Variants in ANKS1B observed in about 807,000 individuals in gnomAD.
ANKS1B encodes the protein ankyrin repeat and sterile alpha motif domain containing 1B.
Under a neutral mutation model 148.3 loss-of-function variants are expected in ANKS1B, and 36 were observed. The ratio of observed to expected loss-of-function variants is 0.24; its 90% CI spans 0.19 to 0.32. The LOEUF (loss-of-function observed/expected upper bound fraction) is 0.32. ANKS1B is among the 10% of genes least tolerant of loss of function. ANKS1B has a pLI of 1.00. For synonymous variants in ANKS1B, 542 were observed against 560.8 expected (o/e 0.97, Z 0.47); for missense variants, 1,157 against 1,542.6 (o/e 0.75, Z 4.19).
chr12:99,301,371 A>G (rs1231994559), intron 12 of ANKS1B, among the ~76,000 whole-genome samples: 1 of 152,194 alleles, frequency 6.6e-6, no homozygotes, highest in Admixed American at 6.5e-5. Flanking sequence ...AGAGGAAAAA[A>G]GAAAAAAACT....
At chr12:99,134,210 T>G (rs1050119411) in intron 15 of ANKS1B, among the ~76,000 whole-genome samples, 1 of 152,180 alleles carries the variant, frequency 6.6e-6, no homozygotes, top group South Asian at 2.1e-4. Flanking sequence ...ACTGAGCCCA[T>G]TGGTTTATCT....
At chr12:99,689,962 T>C (rs765833023) in intron 8 of ANKS1B, among the ~76,000 whole-genome samples, 10 of 152,072 alleles carry the variant, frequency 6.6e-5, no homozygotes, top group Non-Finnish European at 1.2e-4. Context: ...CAAGAATCGA[T>C]AATTTATAAA....
intron 11 of ANKS1B, among the ~76,000 whole-genome samples, chr12:99,443,065 C>T (rs1036279560): frequency 2.0e-5 from 3 of 151,684 alleles, no homozygotes; most frequent in African/African-American, 7.3e-5. Flanking sequence ...GCCTGCAAAC[C>T]GCCTACTGGA....
chr12:99,883,209 CAG>C (rs535621027), intron 1 of ANKS1B, among the ~76,000 whole-genome samples: 11 of 152,100 alleles, frequency 7.2e-5, no homozygotes, highest in Non-Finnish European at 1.3e-4. Flanking sequence ...AATGTGCAAA[CAG>C]AGTCCAAAAC....
At chr12:99,133,838 C>T (rs538005583) in intron 15 of ANKS1B, among the ~76,000 whole-genome samples, 2 of 152,210 alleles carry the variant, frequency 1.3e-5, no homozygotes, top group Non-Finnish European at 1.5e-5. Context: ...TGATAACTAG[C>T]GCCTGAACTT....
chr12:99,919,787 A>AAAAAC (rs1045617371), intron 1 of ANKS1B, among the ~76,000 whole-genome samples: 12 of 151,924 alleles, frequency 7.9e-5, no homozygotes, highest in African/African-American at 2.7e-4. Context: ...GTTAAAAAAA[A>AAAAAC]AAAAAAACCT....
intron 12 of ANKS1B, among the ~76,000 whole-genome samples, chr12:99,299,907 A>C (rs1175693812): frequency 6.6e-6 from 1 of 152,166 alleles, no homozygotes; most frequent in African/African-American, 2.4e-5. Context: ...TTTCCTGGAA[A>C]GGAACAATGA....
intron 8 of ANKS1B, among the ~76,000 whole-genome samples, chr12:99,738,287 C>G (rs1475769006): frequency 6.6e-6 from 1 of 152,094 alleles, no homozygotes; most frequent in African/African-American, 2.4e-5. Context: ...ATTTCCAAAC[C>G]CAAATCACTC....
At chr12:99,361,166 G>C (rs1181383973) in intron 12 of ANKS1B, among the ~76,000 whole-genome samples, 1 of 151,952 alleles carries the variant, frequency 6.6e-6, no homozygotes, top group Non-Finnish European at 1.5e-5. Context: ...TGAAGGGATG[G>C]ATACCTCATT....
At chr12:99,764,819 T>C (rs2062491229) in intron 8 of ANKS1B, among the ~76,000 whole-genome samples, 1 of 152,198 alleles carries the variant, frequency 6.6e-6, no homozygotes, top group African/African-American at 2.4e-5. Context: ...GGGTCTTGAA[T>C]GCCTGAGTTA....
intron 1 of ANKS1B, among the ~76,000 whole-genome samples, chr12:99,856,738 T>C (rs2089172106): frequency 6.6e-6 from 1 of 151,896 alleles, no homozygotes; most frequent in Admixed American, 6.6e-5. Flanking sequence ...CATATACAAG[T>C]AAAGAAATGT....
intron 5 of ANKS1B, among the ~76,000 whole-genome samples, chr12:99,780,395 A>G (rs1435558531): frequency 1.3e-5 from 2 of 151,088 alleles, no homozygotes; most frequent in Admixed American, 6.6e-5. Flanking sequence ...CCTGCCTCAG[A>G]CTCCTGAGTA....
intron 1 of ANKS1B, among the ~76,000 whole-genome samples, chr12:99,964,516 G>C (rs2095460175): frequency 6.6e-6 from 1 of 152,196 alleles, no homozygotes; most frequent in Non-Finnish European, 1.5e-5. Context: ...CAGTGGAAAG[G>C]TAGGAGGTGT....
In ANKS1B at chr12:99,399,646, C is replaced by G. The variant is rs748402645; in HGVS notation, c.1741G>C (p.Gly581Arg). 1 of 1,613,116 alleles carries G rather than the reference C, an allele frequency of 6.2e-7. No individual in the cohort carries two copies. The highest frequency in any genetic ancestry group is 1.7e-5 in the Admixed American group (1 of 59,944). ...ACTGCTTTACCTGTATGGTTAGTTC[C>G]CTCATTCTTGACTTCTGTGGTTCCC... ...SVGTTEVKNEGTNHTDDLSRQ... is the reference protein window; with the variant it reads ...SVGTTEVKNERTNHTDDLSRQ... Residue 581 changes from glycine (G) to arginine (R), a missense_variant, in exon 12 of 27, where the codon GGA (glycine) becomes CGA (arginine). This residue lies in a region of ANKS1B where 661 missense variants were observed against 642.1 expected (regional missense o/e 1.03). Transcript: ENST00000683438.
chr12:99,571,143 A>G (rs1314580585), intron 9 of ANKS1B, among the ~76,000 whole-genome samples: 2 of 152,088 alleles, frequency 1.3e-5, no homozygotes, highest in Non-Finnish European at 2.9e-5. Flanking sequence ...TATTATCCCA[A>G]TTTTTAAAAG....
At chr12:99,139,308 C>T (rs1203277417) in intron 15 of ANKS1B, among the ~76,000 whole-genome samples, 1 of 119,094 alleles carries the variant, frequency 8.4e-6, no homozygotes, top group African/African-American at 3.3e-5. Flanking sequence ...TCTCTCTCTC[C>T]TTCTCCCCTT....
intron 19 of ANKS1B, among the ~76,000 whole-genome samples, chr12:98,818,866 AATG>A (rs1266042079): frequency 3.3e-5 from 5 of 152,206 alleles, no homozygotes; most frequent in Non-Finnish European, 7.3e-5. Flanking sequence ...TCATTTATTC[AATG>A]ATGTTTATTG....
At chr12:99,733,573 G>A (rs1206544523) in intron 8 of ANKS1B, among the ~76,000 whole-genome samples, 3 of 152,126 alleles carry the variant, frequency 2.0e-5, no homozygotes, top group Admixed American at 6.5e-5. Context: ...GACTCTGTAA[G>A]AGAAAACATT....
intron 17 of ANKS1B, among the ~76,000 whole-genome samples, chr12:99,032,897 AT>A (rs2099953151): frequency 1.3e-5 from 2 of 152,174 alleles, no homozygotes; most frequent in African/African-American, 4.8e-5. Flanking sequence ...TTTAGTCTTT[AT>A]TTCTCATGTT....
Sources: gnomAD v4.1 joint callset for allele counts (sites outside exome capture counted in the v4.1 genomes callset) on GRCh38, gnomAD v4.1.1 for gene constraint, gnomAD v4.1.1 regional missense constraint, MANE v1.5 for transcripts, NCBI Gene and HGNC (gene_info 2026-07-23, HGNC 2026-07-21) for gene names.